PRKG1: variants seen among roughly 807,000 people sequenced by gnomAD.
PRKG1 encodes the protein cGMP-dependent protein kinase 1.
A neutral mutation model predicts 88.1 loss-of-function variants in PRKG1; 35 were observed. The observed-to-expected ratio is 0.40, with a 90% CI of 0.30 to 0.53. PRKG1 has a LOEUF of 0.53. Among genes scored for constraint, PRKG1 ranks in the 20% least tolerant of loss-of-function variants. PRKG1 has a pLI of 0.59. For missense variants in PRKG1, 540 were observed against 839.8 expected (o/e 0.64, Z 4.41); for synonymous variants, 303 against 292.5 (o/e 1.04, Z -0.37).
chr10:52,186,168 A>G (rs768687332), intron 9 of PRKG1, among the ~76,000 whole-genome samples: 3 of 152,198 alleles, frequency 2.0e-5, no homozygotes, highest in Non-Finnish European at 4.4e-5. Flanking sequence ...TGCAGGCTGT[A>G]CAAGAAGCAT....
chr10:51,412,413 G>A (rs942983422), intron 2 of PRKG1, among the ~76,000 whole-genome samples: 1 of 152,002 alleles, frequency 6.6e-6, no homozygotes, highest in Non-Finnish European at 1.5e-5. Context: ...GGGAAGATAA[G>A]GCAGGTAGAT....
At chr10:51,848,531 T>A (rs1840461687) in intron 4 of PRKG1, among the ~76,000 whole-genome samples, 1 of 152,164 alleles carries the variant, frequency 6.6e-6, no homozygotes, top group African/African-American at 2.4e-5. Context: ...TCAGATGCCA[T>A]CTAAACTTCT....
chr10:51,155,699 A>G (rs1846190515), intron 2 of PRKG1, among the ~76,000 whole-genome samples: 1 of 151,994 alleles, frequency 6.6e-6, no homozygotes, highest in African/African-American at 2.4e-5. Flanking sequence ...CAAAATCTAC[A>G]GGGTAAGGCC....
intron 1 of PRKG1, among the ~76,000 whole-genome samples, chr10:51,020,170 T>A (rs1282093617): frequency 2.6e-5 from 4 of 152,226 alleles, no homozygotes; most frequent in Non-Finnish European, 5.9e-5. Context: ...TTATTTTTAT[T>A]TTTTATTTTT....
At chr10:52,208,117 A>G (rs1280183129) in intron 9 of PRKG1, among the ~76,000 whole-genome samples, 4 of 152,218 alleles carry the variant, frequency 2.6e-5, no homozygotes, top group Non-Finnish European at 5.9e-5. Flanking sequence ...ATCTGTCTCC[A>G]GAATTTGTCT....
At chr10:51,683,994 T>C (rs1287133664) in intron 3 of PRKG1, among the ~76,000 whole-genome samples, 1 of 152,180 alleles carries the variant, frequency 6.6e-6, no homozygotes, top group Non-Finnish European at 1.5e-5. Context: ...GAAGTTAACA[T>C]AAAGTTCCTA....
chr10:51,354,107 T>A (rs1227543643), intron 2 of PRKG1, among the ~76,000 whole-genome samples: 2 of 151,794 alleles, frequency 1.3e-5, no homozygotes, highest in African/African-American at 4.8e-5. Flanking sequence ...ATATCCAAAC[T>A]ATTAAACTCA....
intron 7 of PRKG1, among the ~76,000 whole-genome samples, chr10:52,102,417 T>C (rs911071970): frequency 6.6e-6 from 1 of 152,044 alleles, no homozygotes; most frequent in Non-Finnish European, 1.5e-5. Context: ...CATAAGCATC[T>C]GGAAGGATTT....
intron 2 of PRKG1, among the ~76,000 whole-genome samples, chr10:51,308,644 T>A (rs1057124229): frequency 5.3e-5 from 8 of 152,226 alleles, no homozygotes; most frequent in African/African-American, 1.9e-4. Context: ...CTAGATCATG[T>A]GAGATATTTT....
At chr10:51,857,715 G>T (rs141199650) in intron 4 of PRKG1, among the ~76,000 whole-genome samples, 1 of 152,012 alleles carries the variant, frequency 6.6e-6, no homozygotes, top group Non-Finnish European at 1.5e-5. Context: ...GTACTTAAAG[G>T]CTTTTTCTTT....
intron 2 of PRKG1, among the ~76,000 whole-genome samples, chr10:51,422,980 A>C (rs1192027807): frequency 6.7e-6 from 1 of 150,104 alleles, no homozygotes; most frequent in Non-Finnish European, 1.5e-5. Flanking sequence ...TTTTTTCTGA[A>C]AATGGATTAT....
chr10:51,059,732 G>T (rs1299898787), intron 1 of PRKG1, among the ~76,000 whole-genome samples: 1 of 152,066 alleles, frequency 6.6e-6, no homozygotes, highest in Non-Finnish European at 1.5e-5. Flanking sequence ...TTTATGGTCA[G>T]CATATAGTCA....
chr10:51,467,933 T>A (rs776792082), intron 3 of PRKG1, 97 bp downstream of exon 3: 4 of 1,017,584 alleles, frequency 3.9e-6, no homozygotes, highest in Non-Finnish European at 6.0e-6. Context: ...TCTTTATACT[T>A]TTATTTCTTT....
intron 9 of PRKG1, among the ~76,000 whole-genome samples, chr10:52,239,992 A>G (rs1840817107): frequency 1.3e-5 from 2 of 152,284 alleles, no homozygotes; most frequent in South Asian, 4.1e-4. Context: ...CTTTTGAATG[A>G]CTGTGCAGAA....
intron 3 of PRKG1, among the ~76,000 whole-genome samples, chr10:51,566,452 G>A (rs1447026954): frequency 6.6e-6 from 1 of 152,110 alleles, no homozygotes; most frequent in African/African-American, 2.4e-5. Context: ...GCTGCTCTGA[G>A]TGTTGAGAAC....
At chr10:51,796,652 G>A (rs573001643) in intron 3 of PRKG1, among the ~76,000 whole-genome samples, 42 of 152,188 alleles carry the variant, frequency 2.8e-4, no homozygotes, top group African/African-American at 9.9e-4. Context: ...ACTGGGCTAA[G>A]GGATACCCAG....
At chr10:51,152,096 C>T (rs996335926) in intron 1 of PRKG1, among the ~76,000 whole-genome samples, 10 of 152,020 alleles carry the variant, frequency 6.6e-5, no homozygotes, top group African/African-American at 2.4e-4. Flanking sequence ...GATTGTCCTC[C>T]TCCTGATAAA....
At chr10:51,690,098 G>C (rs1223168736) in intron 3 of PRKG1, among the ~76,000 whole-genome samples, 1 of 152,130 alleles carries the variant, frequency 6.6e-6, no homozygotes, top group African/African-American at 2.4e-5. Flanking sequence ...AAGGGAAAGG[G>C]GCAGCAGGCA....
intron 9 of PRKG1, among the ~76,000 whole-genome samples, chr10:52,166,819 G>GTATATATATATATGTATATATATATA: frequency 1.8e-5 from 1 of 55,314 alleles, no homozygotes; most frequent in African/African-American, 5.5e-5. Context: ...GTATATATAT[G>GTATATATATATATGTATATATATATA]TATATATATG....
Sources: allele counts gnomAD v4.1 joint callset (sites outside exome capture counted in the v4.1 genomes callset), GRCh38; gene constraint gnomAD v4.1.1; transcripts MANE v1.5; gene names NCBI Gene and HGNC (gene_info 2026-07-23, HGNC 2026-07-21).